The following EPG5 variants were observed in gnomAD, a reference collection of about 807,000 sequenced individuals.
EPG5 encodes ectopic P granules protein 5 homolog.
A neutral mutation model predicts 302.7 loss-of-function variants in EPG5; 159 were observed. The observed-to-expected ratio is 0.53, with a 90% CI of 0.46 to 0.60. The LOEUF (loss-of-function observed/expected upper bound fraction) is 0.60, where lower values mean the gene tolerates loss of function less well. EPG5 is among the 20% of genes least tolerant of loss of function. The pLI is 0.00. For missense variants in EPG5, 2,896 were observed against 3,092.4 expected, an observed-to-expected ratio of 0.94 and a Z score of 1.51; for synonymous variants, 1,158 against 1,136.8, an observed-to-expected ratio of 1.02 and a Z score of -0.37.
intron 3 of EPG5, among the ~76,000 whole-genome samples, chr18:45,951,520 G>A (rs1243139734): frequency 1.3e-5 from 2 of 150,962 alleles, no homozygotes; most frequent in African/African-American, 2.4e-5. Context: ...ATGCAGTGGC[G>A]CAATCTTGAC....
Position 45,865,669 on chromosome 18 carries a change from G to A in EPG5, c.6712C>T (p.Leu2238=), listed in dbSNP as rs760007701. ...AAGAGCTTAGACATTTCCTGTTCTA[G>A]GACTGCTAAGGTGATTTTTCCATTT... ...EQNGKITLAV[L]EQEMSKLLDD... The change falls in exon 39 of 44, where the codon CTA becomes TTA. Residue 2238 remains leucine (L), a synonymous_variant. Coordinates refer to ENST00000282041, the MANE Select transcript of EPG5 (RefSeq NM_020964.3). 6.2e-7 allele frequency: 1 copy of A among 1,613,886 alleles called. No individual in the cohort carries two copies. Among genetic ancestry groups the A allele is most frequent in the East Asian group, 2.2e-5 (1 of 44,868 alleles).
At chr18:45,919,044 T>C (rs2050092364) in intron 16 of EPG5, among the ~76,000 whole-genome samples, 1 of 152,150 alleles carries the variant, frequency 6.6e-6, no homozygotes, top group South Asian at 2.1e-4. Context: ...AAATTATACA[T>C]ACATCTTTAA....
chr18:45,929,079 A>C, intron 12 of EPG5, 70 bp from the exon 13 acceptor site: 1 of 1,455,958 alleles, frequency 6.9e-7, no homozygotes, highest in Non-Finnish European at 9.4e-7. Flanking sequence ...CACTTATATC[A>C]TTTTTTCAAG....
chr18:45,835,665 C>A, the EPG5 span, among the ~76,000 whole-genome samples: 1 of 152,296 alleles, frequency 6.6e-6, no homozygotes, highest in Non-Finnish European at 1.5e-5. Flanking sequence ...TTTGTGGCAC[C>A]AAGAACCTGG....
rs2048403158 is a variant in EPG5, at chr18:45,849,888, T to C, written c.*2579A>G. On this transcript the variant is annotated 3_prime_UTR_variant, in exon 44 of 44. Coordinates refer to ENST00000282041, the MANE Select transcript of EPG5 (RefSeq NM_020964.3). ...CTGTCATGCTATGTAGACAGTTGTG[T>C]AGACACATCTGGCAGGACCTCCCTC... is the stretch of plus-strand genomic sequence containing the variant. The C allele has an allele frequency of 6.6e-6, 1 of 152,250 alleles. No homozygotes were observed. Among genetic ancestry groups the C allele is most frequent in the African/African-American group, 2.4e-5 (1 of 41,452 alleles). The allele number at this position is 152,250 out of a possible 1,614,324, so 9.4% of individuals were successfully genotyped here. A position where few individuals can be genotyped will look rare whatever the true frequency, so the allele number is the denominator to read the frequency against.
At chr18:45,879,273 T>C in intron 32 of EPG5, 59 bp from the exon 33 acceptor site, 2 of 1,193,890 alleles carry the variant, frequency 1.7e-6, no homozygotes, top group Non-Finnish European at 1.2e-6. Context: ...TAAAGTGTTA[T>C]GATACACTGT....
intron 27 of EPG5, among the ~76,000 whole-genome samples, chr18:45,890,802 A>G (rs1041486930): frequency 2.0e-5 from 3 of 152,162 alleles, no homozygotes; most frequent in African/African-American, 7.2e-5. Flanking sequence ...AACTGACATG[A>G]CAGCTGTGGG....
intron 21 of EPG5, among the ~76,000 whole-genome samples, chr18:45,913,090 CAAA>C (rs34356703): frequency 2.8e-5 from 3 of 108,318 alleles, no homozygotes; most frequent in Non-Finnish European, 6.4e-5. Flanking sequence ...GACTCTGTCT[CAAA>C]AAAAAAAAAA....
Position 45,930,756 on chromosome 18 carries a change from T to G in EPG5, c.2332A>C (p.Thr778Pro). The G allele has an allele frequency of 6.2e-7, 1 of 1,612,180 alleles. No homozygotes were observed. Among genetic ancestry groups the G allele is most frequent in the Non-Finnish European group, 8.5e-7 (1 of 1,179,400 alleles). The change falls in exon 12 of 44, where the codon ACC (threonine) becomes CCC (proline). Residue 778 changes from threonine (T) to proline (P), a missense_variant. Transcript: ENST00000282041. ...NSSEEICLLTTFAQMAQARRT... is the reference protein window; with the variant it reads ...NSSEEICLLTPFAQMAQARRT... ...CTGGCCTGAGCCATCTGAGCAAAGG[T>G]AGTCAGAAGGCAAATCTCTTCTGAG...
chr18:45,935,592 CTACTAAGGCGCACACAGG>C (rs201956418), intron 10 of EPG5, among the ~76,000 whole-genome samples: 28,916 of 147,840 alleles, frequency 0.2, 4,286 homozygotes, highest in African/African-American at 0.41. Flanking sequence ...TGCACACAGG[CTACTAAGGCGCACACAGG>C]TACTAAGGCA....
At chr18:45,939,008 G>T (rs990263007) in intron 10 of EPG5, among the ~76,000 whole-genome samples, 1 of 152,206 alleles carries the variant, frequency 6.6e-6, no homozygotes, top group African/African-American at 2.4e-5. Context: ...CTGCAGCAGA[G>T]CCCACTCCTC....
intron 34 of EPG5, among the ~76,000 whole-genome samples, 157 bp downstream of exon 34, chr18:45,878,203 GCAATTCCATAAATAGA>G (rs1396739587): frequency 3.3e-5 from 5 of 152,134 alleles, no homozygotes; most frequent in African/African-American, 9.7e-5. Context: ...ATCCAGACTA[GCAATTCCATAAATAGA>G]AAATGTCTTA....
chr18:45,961,255 C>T (rs187176530), intron 1 of EPG5, among the ~76,000 whole-genome samples: 120 of 152,322 alleles, frequency 7.9e-4, no homozygotes, highest in African/African-American at 2.7e-3. Context: ...TTCTTTAAAG[C>T]ACAAGTGGAA....
chr18:45,827,819 T>TA, the EPG5 span, among the ~76,000 whole-genome samples: 2 of 152,170 alleles, frequency 1.3e-5, no homozygotes, highest in Admixed American at 1.3e-4. Flanking sequence ...TCTCTCCTGT[T>TA]ACGGGTCAGC....
In EPG5 at chr18:45,876,250, T is replaced by C; in HGVS notation, c.6035A>G (p.His2012Arg). Residue 2012 changes from histidine to arginine, a missense_variant, in exon 35 of 44, where the codon CAT becomes CGT. Transcript: ENST00000282041. ...CATCTTCCTACCTTTAAAACTCTCATGCAGTGAGTCAATACAGTCAGTGAA... is the reference window on the plus strand; with the variant it reads ...CATCTTCCTACCTTTAAAACTCTCACGCAGTGAGTCAATACAGTCAGTGAA... ...QLFTDCIDSL[H>R]ESFKDKLLPG... 1 of 1,612,238 alleles carries C rather than the reference T, an allele frequency of 6.2e-7. No homozygotes were observed. Among genetic ancestry groups the C allele is most frequent in the Non-Finnish European group, 8.5e-7 (1 of 1,178,272 alleles).
chr18:45,964,051 GGCCTC>G (rs1470358911), intron 1 of EPG5, among the ~76,000 whole-genome samples: 1 of 151,982 alleles, frequency 6.6e-6, no homozygotes. Flanking sequence ...CTGAAATAAA[GGCCTC>G]TTCATAAACT....
chr18:45,913,893 G>A, intron 20 of EPG5, 65 bp from the exon 21 acceptor site: 1 of 1,566,274 alleles, frequency 6.4e-7, no homozygotes, highest in Non-Finnish European at 8.7e-7. Context: ...AATACATCCT[G>A]ATATTCCACA....
At position 45,952,555 on chromosome 18, in the gene EPG5, T is replaced by C; in HGVS notation, c.1097A>G (p.Lys366Arg). The C allele has an allele frequency of 6.2e-7, 1 of 1,614,130 alleles. No individual in the cohort carries two copies. Among genetic ancestry groups the C allele is most frequent in the Non-Finnish European group, 8.5e-7 (1 of 1,180,014 alleles). Residue 366 changes from lysine to arginine, a missense_variant, in exon 3 of 44, where the codon AAG (lysine) becomes AGG (arginine). Coordinates refer to ENST00000282041, the MANE Select transcript of EPG5 (RefSeq NM_020964.3). ...MNENALVELK[K>R]LFDAKSEHLH... ...GTGCTCAGATTTGGCATCGAATAGC[T>C]TCTTTAGCTCCACCAGTGCATTTTC... is the stretch of plus-strand genomic sequence containing the variant.
At chr18:45,837,450 GC>G in the EPG5 span, 6 of 1,417,518 alleles carry the variant, frequency 4.2e-6, no homozygotes, top group Admixed American at 3.2e-5. Flanking sequence ...GGGTTTCCAG[GC>G]CCCGGGTGCG....
Sources: allele counts gnomAD v4.1 joint callset (sites outside exome capture counted in the v4.1 genomes callset), GRCh38; gene constraint gnomAD v4.1.1; transcripts MANE v1.5; gene names NCBI Gene and HGNC (gene_info 2026-07-23, HGNC 2026-07-21).